MYO1E: variants seen among roughly 807,000 people sequenced by gnomAD.
The protein encoded by MYO1E is unconventional myosin-Ie.
In MYO1E, 68 loss-of-function variants were observed where a neutral mutation model predicts 151.1. That is an observed-to-expected ratio of 0.45 (90% confidence interval 0.37 to 0.55). The LOEUF is 0.55. Ranked by LOEUF, MYO1E falls within the 20% of genes least tolerant of loss-of-function variation. MYO1E has a pLI of 0.00. For synonymous variants in MYO1E, 601 were observed against 501.7 expected (o/e 1.20, Z -2.64); for missense variants, 1,363 against 1,389.3 (o/e 0.98, Z 0.30).
intron 26 of MYO1E, among the ~76,000 whole-genome samples, chr15:59,151,829 C>A (rs1330710011): frequency 6.6e-6 from 1 of 151,904 alleles, no homozygotes; most frequent in Non-Finnish European, 1.5e-5. Flanking sequence ...GGGTGGATCA[C>A]GAGGTCAGGA....
intron 17 of MYO1E, among the ~76,000 whole-genome samples, chr15:59,194,552 A>T (rs916448620): frequency 1.3e-5 from 2 of 152,174 alleles, no homozygotes; most frequent in Non-Finnish European, 2.9e-5. Context: ...TTCACTCGAC[A>T]CCTAAAAGAG....
In MYO1E at chr15:59,272,324, G is replaced by A. The variant is rs753955994; in HGVS notation, c.129C>T (p.Tyr43=). Residue 43 remains tyrosine, a synonymous_variant, in exon 2 of 28, where the codon TAC becomes TAT. Coordinates refer to ENST00000288235, the MANE Select transcript of MYO1E (RefSeq NM_004998.4). ...AGGATACAAAAATGTAGTCATCCAT[G>A]TATCTCTTCTTCAGATTCTCCACGA... ...NSIVENLKKR[Y]MDDYIFTYIG... is the part of the protein sequence containing the mutation. The A allele has an allele frequency of 2.5e-6, 4 of 1,614,008 alleles. No individual in the cohort carries two copies. The highest frequency in any genetic ancestry group is 3.4e-6 in the Non-Finnish European group (4 of 1,179,980).
intron 16 of MYO1E, among the ~76,000 whole-genome samples, chr15:59,199,310 T>C (rs950476194): frequency 3.3e-5 from 5 of 152,120 alleles, no homozygotes; most frequent in Admixed American, 6.5e-5. Flanking sequence ...TTGGCCAGAC[T>C]GACCTCAAAT....
chr15:59,346,643 A>G (rs1219465169), intron 1 of MYO1E, among the ~76,000 whole-genome samples: 1 of 152,192 alleles, frequency 6.6e-6, no homozygotes, highest in East Asian at 1.9e-4. Flanking sequence ...AATGGGGAAG[A>G]TGGCTGGGCA....
At chr15:59,208,141 A>G (rs1175706456) in intron 14 of MYO1E, 21 of 1,445,152 alleles carry the variant, frequency 1.5e-5, no homozygotes, top group Non-Finnish European at 1.9e-5. Context: ...ATACAGGATT[A>G]TATAACGAAA....
intron 1 of MYO1E, among the ~76,000 whole-genome samples, chr15:59,297,167 G>A (rs4486826): frequency 0.47 from 70,544 of 150,970 alleles, 19,677 homozygotes; most frequent in Middle Eastern, 0.66. Context: ...ATTTAACATC[G>A]ATAGAATACT....
chr15:59,217,773 C>T, intron 10 of MYO1E, 118 bp downstream of exon 10: 1 of 1,151,122 alleles, frequency 8.7e-7, no homozygotes, highest in Non-Finnish European at 1.3e-6. Context: ...AGTGATCCTC[C>T]CACCTTGGCC....
chr15:59,174,767 C>T (rs1425000531), intron 19 of MYO1E, among the ~76,000 whole-genome samples: 2 of 152,174 alleles, frequency 1.3e-5, no homozygotes, highest in South Asian at 4.1e-4. Flanking sequence ...TCAGGATTCA[C>T]CAATCTCAGG....
chr15:59,264,181 T>C (rs998398627), intron 2 of MYO1E, among the ~76,000 whole-genome samples: 1 of 152,154 alleles, frequency 6.6e-6, no homozygotes, highest in Non-Finnish European at 1.5e-5. Context: ...ATCGTGTCGA[T>C]TATCAAAACA....
chr15:59,241,798 G>A (rs1018529655), intron 4 of MYO1E, among the ~76,000 whole-genome samples: 3 of 151,900 alleles, frequency 2.0e-5, no homozygotes, highest in Non-Finnish European at 2.9e-5. Context: ...GTGCTCCTGT[G>A]GTCCTAGTTA....
chr15:59,255,067 C>A (rs1304574482), intron 4 of MYO1E, among the ~76,000 whole-genome samples: 2 of 152,032 alleles, frequency 1.3e-5, no homozygotes, highest in East Asian at 1.9e-4. Context: ...TTCAAGTGAT[C>A]TGCCTGTCTC....
At chr15:59,369,285 G>A (rs760486001) in intron 1 of MYO1E, among the ~76,000 whole-genome samples, 15 of 152,180 alleles carry the variant, frequency 9.9e-5, no homozygotes, top group Non-Finnish European at 1.8e-4. Context: ...GTATATGCAA[G>A]TAAGGAAAAG....
intron 25 of MYO1E, among the ~76,000 whole-genome samples, chr15:59,155,541 A>G (rs2079505024): frequency 6.6e-6 from 1 of 152,162 alleles, no homozygotes; most frequent in South Asian, 2.1e-4. Flanking sequence ...GCCCTGCTCA[A>G]GGTCGGAAAC....
intron 2 of MYO1E, among the ~76,000 whole-genome samples, chr15:59,269,396 C>T (rs1320404577): frequency 1.3e-5 from 2 of 152,190 alleles, no homozygotes; most frequent in Non-Finnish European, 2.9e-5. Flanking sequence ...TGCCACCCAG[C>T]TCCTTCTAAT....
At chr15:59,367,458 A>C (rs1487140275) in intron 1 of MYO1E, among the ~76,000 whole-genome samples, 2 of 152,216 alleles carry the variant, frequency 1.3e-5, no homozygotes, top group Non-Finnish European at 2.9e-5. Flanking sequence ...GAAGGGTTGA[A>C]GAGAAAAGCT....
intron 3 of MYO1E, among the ~76,000 whole-genome samples, chr15:59,258,964 GTTTT>G (rs2080210133): frequency 1.3e-5 from 2 of 148,750 alleles, no homozygotes; most frequent in African/African-American, 4.9e-5. Context: ...GTTTTTTTTT[GTTTT>G]TGTTTTTAAA....
At chr15:59,360,539 C>G (rs1394425595) in intron 1 of MYO1E, among the ~76,000 whole-genome samples, 3 of 152,174 alleles carry the variant, frequency 2.0e-5, no homozygotes, top group Non-Finnish European at 4.4e-5. Context: ...TCATTGCTCT[C>G]TAACTTTGGA....
At chr15:59,199,699 G>C (rs1307970925) in intron 16 of MYO1E, among the ~76,000 whole-genome samples, 4 of 152,042 alleles carry the variant, frequency 2.6e-5, no homozygotes, top group Non-Finnish European at 5.9e-5. Context: ...TAAATAATTA[G>C]AATATAATGA....
chr15:59,290,710 G>C (rs1409089694), intron 1 of MYO1E, among the ~76,000 whole-genome samples: 33 of 152,192 alleles, frequency 2.2e-4, no homozygotes, highest in African/African-American at 8.0e-4. Context: ...AAGTAGGCAA[G>C]ATAGACATCA....
Sources: gnomAD v4.1 joint callset for allele counts (sites outside exome capture counted in the v4.1 genomes callset) on GRCh38, gnomAD v4.1.1 for gene constraint, MANE v1.5 for transcripts, NCBI Gene and HGNC (gene_info 2026-07-23, HGNC 2026-07-21) for gene names.